The following KCNK13 variants were observed in gnomAD, a reference collection of about 807,000 sequenced individuals.
KCNK13 encodes the protein potassium channel subfamily K member 13.
In KCNK13, 12 loss-of-function variants were observed where a neutral mutation model predicts 23.4. That is an observed-to-expected ratio of 0.51 (90% CI 0.33 to 0.83). KCNK13 has a LOEUF of 0.83. Among genes scored for constraint, KCNK13 ranks in the 40% least tolerant of loss-of-function variants. The pLI, the probability that KCNK13 is intolerant of heterozygous loss-of-function variation, is 0.02. For missense variants in KCNK13, 463 were observed against 556.3 expected (o/e 0.83, Z 1.69); for synonymous variants, 231 against 229.5 (o/e 1.01, Z -0.06).
At chr14:90,121,670 C>G (rs1889740471) in intron 1 of KCNK13, among the ~76,000 whole-genome samples, 1 of 152,176 alleles carries the variant, frequency 6.6e-6, no homozygotes, top group South Asian at 2.1e-4. Context: ...AAGGCACCCA[C>G]TTTATTAGTA....
intron 1 of KCNK13, among the ~76,000 whole-genome samples, chr14:90,160,456 A>G (rs1890240731): frequency 6.6e-6 from 1 of 152,226 alleles, no homozygotes. Flanking sequence ...GGGCCTGTAC[A>G]AACAGAAAGG....
At chr14:90,078,708 A>G (rs952823084) in intron 1 of KCNK13, among the ~76,000 whole-genome samples, 9 of 152,250 alleles carry the variant, frequency 5.9e-5, no homozygotes, top group Non-Finnish European at 1.2e-4. Context: ...TCATGGGCTA[A>G]TGGGTGAAGA....
At chr14:90,109,316 A>G (rs917335514) in intron 1 of KCNK13, among the ~76,000 whole-genome samples, 37 of 152,204 alleles carry the variant, frequency 2.4e-4, no homozygotes, top group African/African-American at 8.4e-4. Context: ...AAAAAGAATT[A>G]GGTTCTAGGC....
chr14:90,104,552 TTA>T (rs1889519828), intron 1 of KCNK13, among the ~76,000 whole-genome samples: 2 of 152,128 alleles, frequency 1.3e-5, no homozygotes, highest in South Asian at 4.1e-4. Context: ...AGTATCTTTT[TTA>T]TGTCTTTGAA....
At chr14:90,107,947 G>A (rs910838765) in intron 1 of KCNK13, 3 of 740,358 alleles carry the variant, frequency 4.1e-6, no homozygotes, top group African/African-American at 3.5e-5. Context: ...CTATGCAATA[G>A]AGTGGGGAAC....
At chr14:90,148,567 G>A (rs1239026244) in intron 1 of KCNK13, among the ~76,000 whole-genome samples, 1 of 152,186 alleles carries the variant, frequency 6.6e-6, no homozygotes, top group East Asian at 1.9e-4. Context: ...GGGCAGGGTA[G>A]GCAAATGATG....
chr14:90,077,215 G>A (rs1236710456), intron 1 of KCNK13, among the ~76,000 whole-genome samples: 1 of 150,898 alleles, frequency 6.6e-6, no homozygotes, highest in Non-Finnish European at 1.5e-5. Context: ...CGCCTCCCGG[G>A]TTCAAGCAAT....
chr14:90,169,929 T>C (rs1275930205), intron 1 of KCNK13, among the ~76,000 whole-genome samples: 1 of 152,224 alleles, frequency 6.6e-6, no homozygotes, highest in African/African-American at 2.4e-5. Context: ...CATTCTACTG[T>C]TGATAAATAT....
At chr14:90,082,425 G>T (rs1411328284) in intron 1 of KCNK13, among the ~76,000 whole-genome samples, 7 of 151,970 alleles carry the variant, frequency 4.6e-5, no homozygotes, top group Non-Finnish European at 1.0e-4. Context: ...AACACATAAT[G>T]AACTAAGACA....
intron 1 of KCNK13, among the ~76,000 whole-genome samples, chr14:90,129,533 G>A (rs1392291028): frequency 4.6e-5 from 7 of 152,152 alleles, no homozygotes; most frequent in African/African-American, 1.7e-4. Context: ...ACTCCACTTT[G>A]GGAACCACGG....
In KCNK13 at chr14:90,112,597, C is replaced by T. The variant is rs1596783241; in HGVS notation, c.334+50058C>T. ...CAAATGAGAAACTACAGAAAGTAAA[C>T]ATGGTAAAGTTGAAAAGTACAACAA... On this transcript the variant is annotated intron_variant, in intron 1 of 1. Coordinates refer to ENST00000282146, the MANE Select transcript of KCNK13 (RefSeq NM_022054.4). Among the ~76,000 whole-genome samples, 3 of 152,130 alleles carry T rather than the reference C, an allele frequency of 2.0e-5. No homozygotes were observed. In the South Asian group the frequency reaches 6.2e-4, roughly 32 times the overall value.
intron 1 of KCNK13, among the ~76,000 whole-genome samples, chr14:90,165,275 A>G (rs1890290566): frequency 6.6e-6 from 1 of 152,170 alleles, no homozygotes; most frequent in Non-Finnish European, 1.5e-5. Flanking sequence ...AGAGGCTGCC[A>G]TGGGGAGAGG....
intron 1 of KCNK13, among the ~76,000 whole-genome samples, chr14:90,134,788 A>G (rs1889915897): frequency 6.6e-6 from 1 of 152,184 alleles, no homozygotes; most frequent in South Asian, 2.1e-4. Flanking sequence ...GGTGTTTTGC[A>G]TTTTCTGAAT....
intron 1 of KCNK13, among the ~76,000 whole-genome samples, chr14:90,150,935 C>T (rs939320500): frequency 5.9e-5 from 9 of 152,050 alleles, no homozygotes; most frequent in East Asian, 1.9e-4. Context: ...GCCAAGATTG[C>T]GCCACTATAC....
chr14:90,164,311 A>G (rs1890280186), intron 1 of KCNK13, among the ~76,000 whole-genome samples: 1 of 152,362 alleles, frequency 6.6e-6, no homozygotes, highest in South Asian at 2.1e-4. Flanking sequence ...TACTAAAATT[A>G]ACATTTTTAA....
chr14:90,131,642 C>T (rs1252947144), intron 1 of KCNK13, among the ~76,000 whole-genome samples: 1 of 152,214 alleles, frequency 6.6e-6, no homozygotes, highest in African/African-American at 2.4e-5. Context: ...ATCCTCCCAC[C>T]TCAGCCTCCC....
intron 1 of KCNK13, among the ~76,000 whole-genome samples, chr14:90,122,112 C>A (rs963446097): frequency 1.3e-5 from 2 of 152,028 alleles, no homozygotes; most frequent in Non-Finnish European, 2.9e-5. Context: ...CCATCATAGT[C>A]TATGATGGGC....
At chr14:90,087,133 T>TATATATATATATATATAC (rs1889286710) in intron 1 of KCNK13, among the ~76,000 whole-genome samples, 2 of 103,246 alleles carry the variant, frequency 1.9e-5, no homozygotes, top group South Asian at 7.6e-4. Context: ...TATATACATA[T>TATATATATATATATATAC]ATATATATAT....
At position 90,170,662 on chromosome 14, in the gene KCNK13, A is replaced by G. The variant is rs79548795; in HGVS notation, c.335-13449A>G. On this transcript the variant is annotated intron_variant, in intron 1 of 1. Transcript: ENST00000282146. ...AAGTATACAATTTTCCTGTAAGAGTAGGATAGGGAAAAAATAGACATTCAT... is the reference window on the plus strand; with the variant it reads ...AAGTATACAATTTTCCTGTAAGAGTGGGATAGGGAAAAAATAGACATTCAT... Among the ~76,000 whole-genome samples, 963 of 152,328 alleles carry G rather than the reference A, an allele frequency of 6.3e-3. 7 individuals carry two copies. Among genetic ancestry groups the G allele is most frequent in the African/African-American group, 0.022 (929 of 41,576 alleles).
Sources: gnomAD v4.1 joint callset for allele counts (sites outside exome capture counted in the v4.1 genomes callset) on GRCh38, gnomAD v4.1.1 for gene constraint, MANE v1.5 for transcripts, NCBI Gene and HGNC (gene_info 2026-07-23, HGNC 2026-07-21) for gene names.